The following NARS2 variants were observed in gnomAD, a reference collection of about 807,000 sequenced individuals.
NARS2 encodes asparaginyl-tRNA synthetase 2, mitochondrial, also known as asparaginyl-tRNA synthetase.
In NARS2, 60 loss-of-function variants were observed where a neutral mutation model predicts 62.9. The ratio of observed to expected loss-of-function variants is 0.95; its 90% CI spans 0.77 to 1.18. The LOEUF (loss-of-function observed/expected upper bound fraction) is 1.18, where lower values mean the gene tolerates loss of function less well. NARS2 is among the 50% of genes most tolerant of loss of function. The pLI, the probability that NARS2 is intolerant of heterozygous loss-of-function variation, is 0.00. For synonymous variants in NARS2, 196 were observed against 200.0 expected (o/e 0.98, Z 0.17); for missense variants, 619 against 576.4 (o/e 1.07, Z -0.76).
chr11:78,480,841 CAGAG>C (rs1412646715), intron 7 of NARS2, among the ~76,000 whole-genome samples: 1 of 150,222 alleles, frequency 6.7e-6, no homozygotes, highest in Non-Finnish European at 1.5e-5. Context: ...TTTTCTAAGA[CAGAG>C]TCTTGCTCTG....
chr11:78,510,517 A>G (rs952522193), intron 6 of NARS2, among the ~76,000 whole-genome samples: 4 of 152,204 alleles, frequency 2.6e-5, no homozygotes, highest in African/African-American at 9.6e-5. Flanking sequence ...TTACAATACT[A>G]TTGGAAACCT....
intron 11 of NARS2, among the ~76,000 whole-genome samples, chr11:78,447,295 A>G (rs1204930302): frequency 6.6e-6 from 1 of 152,102 alleles, no homozygotes; most frequent in African/African-American, 2.4e-5. Flanking sequence ...CTGGGATTAT[A>G]GGTACATGCC....
At chr11:78,437,835 C>T (rs1440446917) in intron 13 of NARS2, among the ~76,000 whole-genome samples, 3 of 151,654 alleles carry the variant, frequency 2.0e-5, no homozygotes, top group Admixed American at 2.0e-4. Context: ...ATTAGCCAGG[C>T]GTAGTGGCGC....
chr11:78,436,899 T>C (rs935547535), intron 13 of NARS2, 85 bp from the exon 14 acceptor site: 1 of 1,370,874 alleles, frequency 7.3e-7, no homozygotes, highest in East Asian at 2.3e-5. Flanking sequence ...CAAACGTATT[T>C]TGCAATCATT....
At chr11:78,517,472 T>C (rs1860956430) in intron 6 of NARS2, among the ~76,000 whole-genome samples, 1 of 152,220 alleles carries the variant, frequency 6.6e-6, no homozygotes. Context: ...CACCTCGTAT[T>C]CATCCAGGTT....
intron 5 of NARS2, among the ~76,000 whole-genome samples, chr11:78,532,663 C>T (rs1458502407): frequency 6.6e-6 from 1 of 152,142 alleles, no homozygotes; most frequent in Non-Finnish European, 1.5e-5. Context: ...CCCTGTAAAA[C>T]GTTGTGAAAG....
chr11:78,563,622 C>G (rs1856625186), intron 4 of NARS2, among the ~76,000 whole-genome samples: 1 of 150,274 alleles, frequency 6.7e-6, no homozygotes, highest in Admixed American at 6.6e-5. Flanking sequence ...CACCTGAGGT[C>G]AGGAGTTAGA....
intron 2 of NARS2, among the ~76,000 whole-genome samples, chr11:78,570,054 G>A (rs1284800586): frequency 6.6e-6 from 1 of 152,000 alleles, no homozygotes; most frequent in Non-Finnish European, 1.5e-5. Context: ...GTCCAGTGTG[G>A]TGTCGCACAC....
At chr11:78,569,423 G>A (rs1393188784) in intron 2 of NARS2, among the ~76,000 whole-genome samples, 1 of 152,184 alleles carries the variant, frequency 6.6e-6, no homozygotes, top group African/African-American at 2.4e-5. Context: ...CCAAAGTGCT[G>A]GGATTAGAGG....
chr11:78,556,448 G>A (rs1008750762), intron 5 of NARS2, among the ~76,000 whole-genome samples: 1 of 152,102 alleles, frequency 6.6e-6, no homozygotes, highest in South Asian at 2.1e-4. Context: ...AGATCTTCAC[G>A]TTACCTTCTG....
At chr11:78,457,578 A>G (rs546628761) in intron 11 of NARS2, among the ~76,000 whole-genome samples, 1 of 152,352 alleles carries the variant, frequency 6.6e-6, no homozygotes, top group Non-Finnish European at 1.5e-5. Flanking sequence ...TAAATAAATT[A>G]TATTTGAATA....
Position 78,471,803 on chromosome 11 carries a change from C to T in NARS2, c.960-2490G>A, listed in dbSNP as rs1008156221. On this transcript the variant is annotated intron_variant, in intron 9 of 13. Transcript: ENST00000281038. ...TGCGGTGTTTGGTTTTTTGTTCTTGCGATAGTTTACTGAGAATGATGATTT... is the reference window on the plus strand; with the variant it reads ...TGCGGTGTTTGGTTTTTTGTTCTTGTGATAGTTTACTGAGAATGATGATTT... Among the ~76,000 whole-genome samples the T allele has an allele frequency of 8.0e-5, 12 of 150,790 alleles. 1 individual carries two copies. Among genetic ancestry groups the T allele is most frequent in the Admixed American group, 2.7e-4 (4 of 15,078 alleles).
At chr11:78,504,414 T>C (rs2135366541) in intron 6 of NARS2, among the ~76,000 whole-genome samples, 1 of 149,450 alleles carries the variant, frequency 6.7e-6, no homozygotes, top group South Asian at 2.1e-4. Context: ...CTTACACCTG[T>C]TTCATGTGGC....
intron 6 of NARS2, among the ~76,000 whole-genome samples, chr11:78,517,428 A>T (rs1254635827): frequency 1.3e-5 from 2 of 152,194 alleles, no homozygotes; most frequent in African/African-American, 4.8e-5. Context: ...CCATGTTAGA[A>T]ATAGGAATTT....
chr11:78,554,573 GGTT>G (rs1385016590), intron 5 of NARS2, among the ~76,000 whole-genome samples: 2 of 149,750 alleles, frequency 1.3e-5, no homozygotes, highest in Non-Finnish European at 3.0e-5. Flanking sequence ...CTCTCAGTTT[GGTT>G]GTTGTTGGTG....
chr11:78,510,693 T>C (rs1156616785), intron 6 of NARS2, among the ~76,000 whole-genome samples: 1 of 152,220 alleles, frequency 6.6e-6, no homozygotes, highest in Non-Finnish European at 1.5e-5. Flanking sequence ...ATATATTCAT[T>C]AAAAATGTGT....
intron 2 of NARS2, among the ~76,000 whole-genome samples, chr11:78,570,985 G>T (rs143530513): frequency 6.6e-6 from 1 of 152,270 alleles, no homozygotes; most frequent in Non-Finnish European, 1.5e-5. Flanking sequence ...AACTAAGCAG[G>T]AACTATGAAA....
intron 7 of NARS2, among the ~76,000 whole-genome samples, chr11:78,479,378 G>A (rs1023695833): frequency 1.3e-5 from 2 of 152,098 alleles, no homozygotes; most frequent in Non-Finnish European, 2.9e-5. Flanking sequence ...ATAGTGGTGT[G>A]TGCACCTGTA....
At chr11:78,510,710 G>C (rs1174296097) in intron 6 of NARS2, among the ~76,000 whole-genome samples, 1 of 152,082 alleles carries the variant, frequency 6.6e-6, no homozygotes, top group African/African-American at 2.4e-5. Flanking sequence ...GTGTGCTAGT[G>C]GTTATAAAAA....
Sources: gnomAD v4.1 joint callset for allele counts (sites outside exome capture counted in the v4.1 genomes callset) on GRCh38, gnomAD v4.1.1 for gene constraint, MANE v1.5 for transcripts, NCBI Gene and HGNC (gene_info 2026-07-23, HGNC 2026-07-21) for gene names.